HS3ST1: variants seen among roughly 807,000 people sequenced by gnomAD.
HS3ST1 encodes heparan sulfate glucosamine 3-O-sulfotransferase 1.
HS3ST1 carries 8 observed loss-of-function variants against 20.7 expected under a neutral mutation model. The ratio of observed to expected loss-of-function variants is 0.39; its 90% confidence interval spans 0.23 to 0.70. The LOEUF is 0.70. Among genes scored for constraint, HS3ST1 ranks in the 30% least tolerant of loss-of-function variants. The pLI, the probability that HS3ST1 is intolerant of heterozygous loss-of-function variation, is 0.46. For missense variants in HS3ST1, 436 were observed against 423.4 expected, an observed-to-expected ratio of 1.03 and a Z score of -0.26; for synonymous variants, 205 against 190.4, an observed-to-expected ratio of 1.08 and a Z score of -0.63.
chr4:11,422,203 T>C (rs1317970273), intron 1 of HS3ST1, among the ~76,000 whole-genome samples: 4 of 152,240 alleles, frequency 2.6e-5, no homozygotes. Context: ...CTACGTCTTA[T>C]CATTCTTCTT....
rs1456082650 is a variant in HS3ST1 at position 11,426,460 on chromosome 4, G to C, written c.-109+2239C>G. Reference sequence around the variant, plus strand: ...CAACTTTTAGGGGGACCCAGGGGGGGGGCTTGAGGCTTCATTCTAGACATA... The same window carrying C: ...CAACTTTTAGGGGGACCCAGGGGGGCGGCTTGAGGCTTCATTCTAGACATA... On this transcript the variant is annotated intron_variant, in intron 1 of 1. Transcript: ENST00000002596. 2.0e-5 allele frequency among the ~76,000 whole-genome samples: 3 copies of C among 152,084 alleles called. No homozygotes were observed. In the East Asian group the frequency reaches 5.8e-4, roughly 29 times the overall value.
intron 1 of HS3ST1, among the ~76,000 whole-genome samples, chr4:11,428,251 A>G (rs1176231245): frequency 3.3e-5 from 5 of 152,228 alleles, no homozygotes; most frequent in Non-Finnish European, 1.5e-5. Context: ...AGGCTCCCTC[A>G]GCCGAGTTAC....
At chr4:11,400,142 A>T in intron 1 of HS3ST1, 29 bp from the exon 2 acceptor site, 3 of 1,416,830 alleles carry the variant, frequency 2.1e-6, no homozygotes, top group Non-Finnish European at 2.8e-6. Flanking sequence ...AGATATTAAC[A>T]TATAACAAAT....
chr4:11,422,564 C>T (rs1718965449), intron 1 of HS3ST1, among the ~76,000 whole-genome samples: 1 of 152,134 alleles, frequency 6.6e-6, no homozygotes, highest in South Asian at 2.1e-4. Flanking sequence ...GGTTATTTAT[C>T]TGACTCCCAT....
rs141585699 is a variant in HS3ST1 at position 11,399,881 on chromosome 4, C to T, written c.125G>A (p.Arg42His). Residue 42 changes from arginine (R) to histidine (H), a missense_variant, in exon 2 of 2, where the codon CGC (arginine) becomes CAC (histidine). Transcript: ENST00000002596. This position sits in a 1 kb window ranked among gnomAD's most constrained non-coding sequence, Gnocchi z 5.1. Reference sequence around the variant, plus strand: ...AGAGCCGTTTGGGGCCACGCCATCGCGGACGTCATCCTGGAGGGTCCCCGC... The same window carrying T: ...AGAGCCGTTTGGGGCCACGCCATCGTGGACGTCATCCTGGAGGGTCCCCGC... Reference protein sequence around the residue: ...RKAGTLQDDVRDGVAPNGSAQ... With the variant: ...RKAGTLQDDVHDGVAPNGSAQ... 1.1e-5 allele frequency: 17 copies of T among 1,611,716 alleles called. No individual in the cohort carries two copies. In the East Asian group the frequency reaches 2.9e-4, roughly 27 times the overall value.
At chr4:11,426,217 G>T (rs10010953) in intron 1 of HS3ST1, among the ~76,000 whole-genome samples, 37,975 of 151,808 alleles carry the variant, frequency 0.25, 5,358 homozygotes, top group African/African-American at 0.38. Flanking sequence ...ATATGCCATT[G>T]TGGGTAGCTG....
upstream of HS3ST1, among the ~76,000 whole-genome samples, chr4:11,431,586 C>T (rs1387969648): frequency 1.3e-5 from 2 of 152,084 alleles, no homozygotes; most frequent in Non-Finnish European, 2.9e-5. Flanking sequence ...AAAATCTTAT[C>T]TCAAGGAAAA....
chr4:11,425,912 C>T (rs1719048296), intron 1 of HS3ST1, among the ~76,000 whole-genome samples: 1 of 150,972 alleles, frequency 6.6e-6, no homozygotes, highest in African/African-American at 2.5e-5. Context: ...CAATTGAAAG[C>T]ACCAGGTCAA....
At chr4:11,412,552 A>G (rs925570431) in intron 1 of HS3ST1, among the ~76,000 whole-genome samples, 3 of 152,180 alleles carry the variant, frequency 2.0e-5, no homozygotes, top group Non-Finnish European at 2.9e-5. Flanking sequence ...CCATATATCA[A>G]ACTTCTAAGC....
At position 11,398,625 on chromosome 4, in the gene HS3ST1, A is replaced by C. The variant is rs1718209727; in HGVS notation, c.*457T>G. On this transcript the variant is annotated 3_prime_UTR_variant, in exon 2 of 2. Coordinates refer to ENST00000002596, the MANE Select transcript of HS3ST1 (RefSeq NM_005114.4). ...ATCTGATGATCACAATGAGACATTA[A>C]AAATTAAAAAGAGCAATGCAGAAAG... 1 of 152,516 alleles carries C rather than the reference A, an allele frequency of 6.6e-6. No homozygotes were observed. The highest frequency in any genetic ancestry group is 6.5e-5 in the Admixed American group (1 of 15,292). The allele number at this position is 152,516 out of a possible 1,614,324, so 9.4% of individuals were successfully genotyped here. A position where few individuals can be genotyped will look rare whatever the true frequency, so the allele number is the denominator to read the frequency against.
upstream of HS3ST1, among the ~76,000 whole-genome samples, chr4:11,430,155 C>G (rs1191315422): frequency 9.2e-5 from 14 of 152,012 alleles, no homozygotes; most frequent in Non-Finnish European, 1.5e-5. Flanking sequence ...ACACAGTGAC[C>G]AGTATATTCT....
chr4:11,399,750 C>A lies in HS3ST1; in HGVS notation c.256G>T (p.Glu86Ter). 1 of 1,613,802 alleles carries A rather than the reference C, an allele frequency of 6.2e-7. No homozygotes were observed. The highest frequency in any genetic ancestry group is 8.5e-7 in the Non-Finnish European group (1 of 1,180,030). ...LHPDVAAAEN[E>*]VHFFDWEEHY... ...TCCTCCCAGTCGAAGAAGTGGACCT[C>A]GTTCTCCGCGGCCGCCACGTCGGGG... The change falls in exon 2 of 2, where the codon GAG becomes TAG. Residue 86 changes from glutamate to a stop codon, truncating the protein, a stop_gained. Transcript: ENST00000002596. LOFTEE classifies it high-confidence loss of function. The surrounding 1 kb of genome is among the most constrained non-coding windows in gnomAD (Gnocchi z 5.1).
At chr4:11,432,228 C>T (rs147903563), upstream of HS3ST1, among the ~76,000 whole-genome samples, 8 of 152,214 alleles carry the variant, frequency 5.3e-5, no homozygotes, top group African/African-American at 1.4e-4. Flanking sequence ...AGTAGTCTAC[C>T]TGCTCAGACT....
intron 1 of HS3ST1, among the ~76,000 whole-genome samples, chr4:11,414,454 A>G (rs986682936): frequency 7.2e-5 from 11 of 152,344 alleles, no homozygotes; most frequent in Non-Finnish European, 5.9e-5. Context: ...GAAATGTTCT[A>G]GCCCATAGCA....
chr4:11,407,187 G>C (rs537970432), intron 1 of HS3ST1, among the ~76,000 whole-genome samples: 1 of 152,184 alleles, frequency 6.6e-6, no homozygotes, highest in South Asian at 2.1e-4. Context: ...TTGCTGTGAG[G>C]TGGGATGGGG....
intron 1 of HS3ST1, among the ~76,000 whole-genome samples, chr4:11,406,662 G>GCTTC (rs1218327258): frequency 6.6e-6 from 1 of 152,178 alleles, no homozygotes; most frequent in African/African-American, 2.4e-5. Context: ...GAATGGTGAT[G>GCTTC]CTTCCCCTTG....
intron 1 of HS3ST1, among the ~76,000 whole-genome samples, chr4:11,424,247 T>C (rs560043397): frequency 1.3e-5 from 2 of 152,274 alleles, no homozygotes; most frequent in African/African-American, 4.8e-5. Context: ...GCATAATGTA[T>C]TAGAGAAAAA....
chr4:11,402,684 T>A (rs1167031272), intron 1 of HS3ST1, among the ~76,000 whole-genome samples: 1 of 152,218 alleles, frequency 6.6e-6, no homozygotes, highest in Non-Finnish European at 1.5e-5. Context: ...TATCACCATC[T>A]TATAGTTCCA....
intron 1 of HS3ST1, among the ~76,000 whole-genome samples, chr4:11,400,459 T>C (rs1267422084): frequency 6.6e-6 from 1 of 152,204 alleles, no homozygotes; most frequent in African/African-American, 2.4e-5. Context: ...CATTAAATAT[T>C]ATTTTCCTTC....
Sources: gnomAD v4.1 joint callset for allele counts (sites outside exome capture counted in the v4.1 genomes callset) on GRCh38, gnomAD v4.1.1 for gene constraint, Gnocchi (gnomAD v3.1) non-coding constraint, MANE v1.5 for transcripts, NCBI Gene and HGNC (gene_info 2026-07-23, HGNC 2026-07-21) for gene names.